Variants in PDSS1 observed in about 807,000 individuals in gnomAD.
PDSS1 encodes all trans-polyprenyl-diphosphate synthase PDSS1.
In PDSS1, 43 loss-of-function variants were observed where a neutral mutation model predicts 57.5. The ratio of observed to expected loss-of-function variants is 0.75; its 90% CI spans 0.59 to 0.96. The LOEUF (loss-of-function observed/expected upper bound fraction) is 0.96, where lower values mean the gene tolerates loss of function less well. Among genes scored for constraint, PDSS1 ranks in the 50% least tolerant of loss-of-function variants. PDSS1 has a pLI of 0.00. For synonymous variants in PDSS1, 175 were observed against 191.3 expected (o/e 0.91, Z 0.70); for missense variants, 438 against 527.8 (o/e 0.83, Z 1.67).
intron 10 of PDSS1, among the ~76,000 whole-genome samples, chr10:26,736,614 A>C (rs1836412194): frequency 6.6e-6 from 1 of 152,072 alleles, no homozygotes; most frequent in African/African-American, 2.4e-5. Flanking sequence ...TAGCATAGCC[A>C]TTGGCAGCAT....
chr10:26,712,753 T>C lies in PDSS1; in HGVS notation c.467+2985T>C, dbSNP rs142022622. 4.2e-3 allele frequency among the ~76,000 whole-genome samples: 411 copies of C among 97,920 alleles called. 110 individuals carry two copies. Among genetic ancestry groups the C allele is most frequent in the African/African-American group, 0.013 (385 of 30,088 alleles). The allele number at this position is 97,920 out of a possible 152,430, so 64.2% of individuals were successfully genotyped here. A position where few individuals can be genotyped will look rare whatever the true frequency, so the allele number is the denominator to read the frequency against. On this transcript the variant is annotated intron_variant, in intron 5 of 11. Transcript: ENST00000376215. ...AAAGGCTTAGGACAGTAGGGGGAAA[T>C]GGCAGCTAAAGATTCAGGAGCAGCA...
At chr10:26,700,609 A>G (rs1434244424) in intron 1 of PDSS1, among the ~76,000 whole-genome samples, 1 of 152,026 alleles carries the variant, frequency 6.6e-6, no homozygotes, top group Non-Finnish European at 1.5e-5. Flanking sequence ...TGCTGGTTTT[A>G]TAAGTGTTTG....
chr10:26,706,517 A>T (rs1382110311), intron 4 of PDSS1, among the ~76,000 whole-genome samples: 1 of 152,074 alleles, frequency 6.6e-6, no homozygotes, highest in Non-Finnish European at 1.5e-5. Context: ...CTAGTTTCTT[A>T]GGAACTCCCC....
At chr10:26,734,745 A>G in intron 8 of PDSS1, 1 of 456,436 alleles carries the variant, frequency 2.2e-6, no homozygotes, top group South Asian at 1.5e-5. Flanking sequence ...AACGATGATG[A>G]AAAGAAAGGA....
At chr10:26,712,161 C>G (rs113013260) in intron 5 of PDSS1, among the ~76,000 whole-genome samples, 2,962 of 96,362 alleles carry the variant, frequency 0.031, 916 homozygotes, top group African/African-American at 0.094. Context: ...GCTACCACGC[C>G]CAGCCAATTT....
intron 5 of PDSS1, among the ~76,000 whole-genome samples, chr10:26,714,145 C>T (rs927707355): frequency 6.6e-6 from 1 of 152,052 alleles, no homozygotes; most frequent in Non-Finnish European, 1.5e-5. Context: ...CTCAGCAAAA[C>T]CCAAGCTCAT....
intron 10 of PDSS1, chr10:26,740,778 G>A: frequency 2.3e-6 from 1 of 440,062 alleles, no homozygotes; most frequent in South Asian, 1.6e-5. Flanking sequence ...AGAAGCCTAA[G>A]ACCCCAGGGG....
intron 8 of PDSS1, among the ~76,000 whole-genome samples, chr10:26,727,408 C>G (rs770390695): frequency 6.7e-6 from 1 of 149,386 alleles, no homozygotes. Flanking sequence ...AATGGGCTCT[C>G]TTCCTATTAC....
intron 10 of PDSS1, among the ~76,000 whole-genome samples, chr10:26,737,625 G>A (rs1008905920): frequency 2.0e-5 from 3 of 150,080 alleles, no homozygotes; most frequent in Admixed American, 1.3e-4. Context: ...CCAGCTACTC[G>A]GGAGGCCAAG....
At chr10:26,723,663 G>C in intron 6 of PDSS1, 143 bp from the exon 7 acceptor site, 1 of 727,000 alleles carries the variant, frequency 1.4e-6, no homozygotes. Flanking sequence ...ACGGACTCCT[G>C]TTGAGGAAGA....
At chr10:26,737,265 TG>T (rs1357273675) in intron 10 of PDSS1, among the ~76,000 whole-genome samples, 1 of 152,210 alleles carries the variant, frequency 6.6e-6, no homozygotes, top group East Asian at 1.9e-4. Context: ...TTAAGGTGAC[TG>T]GGTGAGAGGA....
intron 5 of PDSS1, chr10:26,720,011 G>A (rs988132735): frequency 5.6e-5 from 36 of 644,232 alleles, no homozygotes; most frequent in Non-Finnish European, 8.6e-5. Flanking sequence ...TCTTCAATGG[G>A]GAATTCATAA....
chr10:26,733,702 C>T (rs1273233375), intron 8 of PDSS1, among the ~76,000 whole-genome samples: 1 of 152,006 alleles, frequency 6.6e-6, no homozygotes, highest in African/African-American at 2.4e-5. Context: ...CAGCCAGGTG[C>T]GGTGGCTCAC....
chr10:26,740,150 AAAAAAAAAATT>A (rs894869358), intron 10 of PDSS1, among the ~76,000 whole-genome samples: 9 of 152,030 alleles, frequency 5.9e-5, no homozygotes, highest in African/African-American at 2.2e-4. Context: ...TCAAAAAAAA[AAAAAAAAAATT>A]AAAAAATTAG....
At chr10:26,728,167 C>G (rs942505156) in intron 8 of PDSS1, among the ~76,000 whole-genome samples, 1 of 151,992 alleles carries the variant, frequency 6.6e-6, no homozygotes, top group Admixed American at 6.6e-5. Context: ...ACCAGCCTGG[C>G]CAACATGGTA....
intron 6 of PDSS1, among the ~76,000 whole-genome samples, chr10:26,721,080 T>C (rs549129122): frequency 6.6e-6 from 1 of 151,942 alleles, no homozygotes; most frequent in Non-Finnish European, 1.5e-5. Flanking sequence ...CTGAGGTGGG[T>C]GGATCACCTG....
intron 10 of PDSS1, among the ~76,000 whole-genome samples, chr10:26,735,805 C>T (rs181486141): frequency 6.0e-4 from 92 of 152,202 alleles, no homozygotes; most frequent in Non-Finnish European, 1.1e-3. Flanking sequence ...CACCTTTCTC[C>T]CAGGGTGGTT....
intron 6 of PDSS1, among the ~76,000 whole-genome samples, chr10:26,722,695 C>T (rs1345155976): frequency 6.8e-6 from 1 of 147,340 alleles, no homozygotes; most frequent in African/African-American, 2.6e-5. Flanking sequence ...CAGAGCAAGA[C>T]TCTTTCTCAA....
chr10:26,740,505 T>G (rs916288224), intron 10 of PDSS1: 1 of 407,726 alleles, frequency 2.5e-6, no homozygotes, highest in African/African-American at 2.1e-5. Flanking sequence ...AGCTTTGTTC[T>G]GACACATATT....
Sources: allele counts gnomAD v4.1 joint callset (sites outside exome capture counted in the v4.1 genomes callset), GRCh38; gene constraint gnomAD v4.1.1; transcripts MANE v1.5; gene names NCBI Gene and HGNC (gene_info 2026-07-23, HGNC 2026-07-21).